Variants in TIMP2 observed in about 807,000 individuals in gnomAD.
The protein encoded by TIMP2 is TIMP metallopeptidase inhibitor 2, also known as metalloproteinase inhibitor 2.
In TIMP2, 5 loss-of-function variants were observed where a neutral mutation model predicts 24.3. The observed-to-expected ratio is 0.21, with a 90% confidence interval of 0.11 to 0.43. The LOEUF (loss-of-function observed/expected upper bound fraction) is 0.43. TIMP2 is among the 20% of genes least tolerant of loss of function. The pLI, the probability that TIMP2 is intolerant of heterozygous loss-of-function variation, is 1.00. For missense variants in TIMP2, 221 were observed against 297.5 expected (o/e 0.74, Z 1.89); for synonymous variants, 130 against 123.2 (o/e 1.06, Z -0.37).
At chr17:78,894,115 C>T (rs917119712) in intron 1 of TIMP2, among the ~76,000 whole-genome samples, 10 of 152,172 alleles carry the variant, frequency 6.6e-5, no homozygotes, top group Admixed American at 2.0e-4. Flanking sequence ...TAACATTAAC[C>T]GTGCAGGCTC....
At position 78,885,801 on chromosome 17, in the gene TIMP2, G is replaced by A. The variant is rs533454264; in HGVS notation, c.131-11882C>T. Among the ~76,000 whole-genome samples the A allele has an allele frequency of 2.5e-4, 38 of 152,284 alleles. No individual in the cohort carries two copies. The South Asian group carries it at 6.4e-3, about 26-fold the overall frequency. The stretch of plus-strand genomic sequence containing the variant: ...ATGGCAGAGCCAGGGCTCCAACCCC[G>A]GCAGTAGGGCTCTCACCAGCTCCTG... On this transcript the variant is annotated intron_variant, in intron 1 of 4. Transcript: ENST00000262768.
chr17:78,893,236 TGTGTGTGTAGGA>T (rs1261944148), intron 1 of TIMP2, among the ~76,000 whole-genome samples: 1 of 135,602 alleles, frequency 7.4e-6, no homozygotes, highest in Non-Finnish European at 1.6e-5. Flanking sequence ...TGTGTGTGCA[TGTGTGTGTAGGA>T]GTGTGTGTGC....
At chr17:78,868,738 C>A (rs1481441947) in intron 3 of TIMP2, among the ~76,000 whole-genome samples, 2 of 152,112 alleles carry the variant, frequency 1.3e-5, no homozygotes, top group African/African-American at 4.8e-5. Flanking sequence ...TCCTCGGCTG[C>A]ACTAGCCATA....
intron 1 of TIMP2, chr17:78,899,967 T>G (rs183672125): frequency 9.2e-5 from 14 of 152,316 alleles, no homozygotes; most frequent in Admixed American, 2.6e-4. Context: ...TCCATATAAT[T>G]AGAGCTTACC....
In TIMP2 at chr17:78,853,972, T is replaced by TG. The variant is rs1599142102; in HGVS notation, c.*1694dup. The stretch of plus-strand genomic sequence containing the variant: ...TCACTGTACAGCATGAAAACGCCCG[T>TG]GGGGCAGGGGCCGATTCCTGGATAC... On this transcript the variant is annotated 3_prime_UTR_variant, in exon 5 of 5. Coordinates refer to ENST00000262768, the MANE Select transcript of TIMP2 (RefSeq NM_003255.5). 6.6e-6 allele frequency: 1 copy of TG among 152,156 alleles called. No individual in the cohort carries two copies. Among genetic ancestry groups the TG allele is most frequent in the East Asian group, 1.9e-4 (1 of 5,170 alleles). 9.4% of individuals were successfully genotyped at this position (152,156 alleles called of 1,614,324 possible). A position where few individuals can be genotyped will look rare whatever the true frequency, so the allele number is the denominator to read the frequency against.
At chr17:78,881,979 TTTG>T (rs1355316259) in intron 1 of TIMP2, among the ~76,000 whole-genome samples, 55 of 151,754 alleles carry the variant, frequency 3.6e-4, no homozygotes, top group Non-Finnish European at 6.9e-4. Context: ...CTCTTTTTTT[TTTG>T]AGATAGAGTT....
At chr17:78,858,680 C>G (rs184585617) in intron 3 of TIMP2, among the ~76,000 whole-genome samples, 1 of 152,132 alleles carries the variant, frequency 6.6e-6, no homozygotes, top group African/African-American at 2.4e-5. Flanking sequence ...ACCACTACAC[C>G]CTGCTAATTT....
At chr17:78,869,742 G>A (rs1002804134) in intron 3 of TIMP2, among the ~76,000 whole-genome samples, 8 of 152,170 alleles carry the variant, frequency 5.3e-5, no homozygotes, top group Non-Finnish European at 7.3e-5. Flanking sequence ...TTGAACCTGG[G>A]AAGCGGAGGT....
intron 1 of TIMP2, among the ~76,000 whole-genome samples, chr17:78,908,688 T>A (rs886242971): frequency 6.6e-6 from 1 of 152,218 alleles, no homozygotes; most frequent in South Asian, 2.1e-4. Context: ...TCCTTTGTGC[T>A]GAAAAGCCCT....
chr17:78,872,166 T>A (rs1049260533), intron 2 of TIMP2, among the ~76,000 whole-genome samples: 40 of 151,598 alleles, frequency 2.6e-4, no homozygotes, highest in African/African-American at 9.7e-4. Context: ...TTTTTTTTTT[T>A]AATTAGCAGA....
intron 1 of TIMP2, chr17:78,892,253 T>G (rs1286259983): frequency 1.2e-5 from 19 of 1,550,778 alleles, no homozygotes; most frequent in Admixed American, 2.0e-5. Flanking sequence ...GCCCCGGGCT[T>G]GTAGCAATTT....
intron 1 of TIMP2, among the ~76,000 whole-genome samples, chr17:78,903,752 G>A (rs1338668628): frequency 6.6e-6 from 1 of 152,084 alleles, no homozygotes; most frequent in Non-Finnish European, 1.5e-5. Flanking sequence ...GATGGGCGAG[G>A]GAAGCTGGCA....
chr17:78,895,728 C>T (rs2069988648), intron 1 of TIMP2, among the ~76,000 whole-genome samples: 3 of 152,180 alleles, frequency 2.0e-5, no homozygotes, highest in Admixed American at 6.5e-5. Context: ...TGGCCTCAGA[C>T]ACCAAAGACC....
At chr17:78,895,921 C>G (rs937519913) in intron 1 of TIMP2, among the ~76,000 whole-genome samples, 1 of 152,248 alleles carries the variant, frequency 6.6e-6, no homozygotes, top group Non-Finnish European at 1.5e-5. Flanking sequence ...CAAGTCTTCC[C>G]TGCTCTGGAA....
intron 1 of TIMP2, among the ~76,000 whole-genome samples, chr17:78,907,468 T>C (rs1380406302): frequency 1.3e-5 from 2 of 152,216 alleles, no homozygotes; most frequent in Non-Finnish European, 2.9e-5. Context: ...ACAGACAACA[T>C]GGATCAATTA....
intron 1 of TIMP2, among the ~76,000 whole-genome samples, chr17:78,919,136 A>G (rs1045430791): frequency 6.6e-6 from 1 of 152,238 alleles, no homozygotes; most frequent in African/African-American, 2.4e-5. Context: ...GAGAGTCCTG[A>G]AACTCCAGTG....
chr17:78,880,940 G>A (rs868513278), intron 1 of TIMP2, among the ~76,000 whole-genome samples: 5 of 152,302 alleles, frequency 3.3e-5, no homozygotes, highest in East Asian at 1.9e-4. Context: ...GCCTCTCCCC[G>A]GGGCACTCCA....
At chr17:78,858,051 G>A (rs1204453137) in intron 3 of TIMP2, among the ~76,000 whole-genome samples, 1 of 151,184 alleles carries the variant, frequency 6.6e-6, no homozygotes, top group Non-Finnish European at 1.5e-5. Context: ...CAGCCTGGGT[G>A]ACACAGCAAG....
In TIMP2 at chr17:78,925,357, G is replaced by C. The variant is rs7503607; in HGVS notation, c.-269C>G. 1 of 151,960 alleles carries C rather than the reference G, an allele frequency of 6.6e-6. No homozygotes were observed. The highest frequency in any genetic ancestry group is 2.4e-5 in the African/African-American group (1 of 41,342). 9.4% of individuals were successfully genotyped at this position (151,960 alleles called of 1,614,324 possible). A position where few individuals can be genotyped will look rare whatever the true frequency, so the allele number is the denominator to read the frequency against. On this transcript the variant is annotated 5_prime_UTR_variant, in exon 1 of 5. Coordinates refer to ENST00000262768, the MANE Select transcript of TIMP2 (RefSeq NM_003255.5). Reference sequence around the variant, plus strand: ...GGCGAGCGGCGCTGCGGTTCTCGGCGGCCGCGCTGCCTTCTACGGATGTGT... The same window carrying C: ...GGCGAGCGGCGCTGCGGTTCTCGGCCGCCGCGCTGCCTTCTACGGATGTGT...
Sources: allele counts gnomAD v4.1 joint callset (sites outside exome capture counted in the v4.1 genomes callset), GRCh38; gene constraint gnomAD v4.1.1; transcripts MANE v1.5; gene names NCBI Gene and HGNC (gene_info 2026-07-23, HGNC 2026-07-21).